Variants in ZNF407 observed in about 807,000 individuals in gnomAD.
ZNF407 encodes the protein zinc finger protein 407.
Under a neutral mutation model 131.2 loss-of-function variants are expected in ZNF407, and 17 were observed. The ratio of observed to expected loss-of-function variants is 0.13; its 90% confidence interval spans 0.09 to 0.19. ZNF407 has a LOEUF of 0.19. Among genes scored for constraint, ZNF407 ranks in the 10% least tolerant of loss-of-function variants. The pLI, the probability that ZNF407 is intolerant of heterozygous loss-of-function variation, is 1.00. For missense variants in ZNF407, 2,681 were observed against 2,830.6 expected (o/e 0.95, Z 1.20); for synonymous variants, 1,156 against 1,062.0 (o/e 1.09, Z -1.72).
At chr18:74,615,760 G>A (rs1276832050) in intron 1 of ZNF407, among the ~76,000 whole-genome samples, 1 of 152,152 alleles carries the variant, frequency 6.6e-6, no homozygotes, top group East Asian at 1.9e-4. Flanking sequence ...TATTTGCTTA[G>A]TCCCATAGTC....
chr18:75,006,863 T>C (rs922008666), intron 8 of ZNF407, among the ~76,000 whole-genome samples: 8 of 152,188 alleles, frequency 5.3e-5, no homozygotes, highest in African/African-American at 1.9e-4. Flanking sequence ...AGTTTAAATC[T>C]ATTGTTAGAT....
chr18:74,743,524 C>T (rs934588762), intron 3 of ZNF407, among the ~76,000 whole-genome samples: 2 of 152,012 alleles, frequency 1.3e-5, no homozygotes, highest in African/African-American at 2.4e-5. Flanking sequence ...AGATAAGGAC[C>T]ACTGTAAAGT....
intron 3 of ZNF407, among the ~76,000 whole-genome samples, chr18:74,720,485 T>C (rs957816244): frequency 1.3e-5 from 2 of 152,138 alleles, no homozygotes; most frequent in African/African-American, 4.8e-5. Context: ...TTTCTTTTGC[T>C]GTGCAGAACC....
chr18:74,951,801 A>G (rs1972217353), intron 8 of ZNF407, among the ~76,000 whole-genome samples: 1 of 152,144 alleles, frequency 6.6e-6, no homozygotes, highest in African/African-American at 2.4e-5. Context: ...AAGTAAAATA[A>G]GATAATTTCT....
At chr18:74,849,048 G>A in intron 4 of ZNF407, among the ~76,000 whole-genome samples, 1 of 58,128 alleles carries the variant, frequency 1.7e-5, no homozygotes, top group South Asian at 8.5e-4. Flanking sequence ...GGCTACTTTT[G>A]TTTCTTTTTT....
intron 1 of ZNF407, among the ~76,000 whole-genome samples, chr18:74,609,814 A>G (rs1409578825): frequency 6.6e-6 from 1 of 152,232 alleles, no homozygotes; most frequent in African/African-American, 2.4e-5. Flanking sequence ...TGACCAAAAC[A>G]TCATTAGGTA....
At chr18:74,922,781 G>A (rs114430530) in intron 8 of ZNF407, among the ~76,000 whole-genome samples, 1,614 of 152,316 alleles carry the variant, frequency 0.011, 23 homozygotes, top group African/African-American at 0.036. Flanking sequence ...TTATCGAAGA[G>A]TCTAGGAGTT....
At chr18:74,712,251 A>G (rs568481149) in intron 3 of ZNF407, among the ~76,000 whole-genome samples, 35 of 152,306 alleles carry the variant, frequency 2.3e-4, no homozygotes, top group Admixed American at 6.5e-4. Context: ...CCTAGCGCCT[A>G]TGTCTTAGTT....
chr18:74,831,143 T>TATAC (rs1970477144), intron 4 of ZNF407, among the ~76,000 whole-genome samples: 1 of 152,214 alleles, frequency 6.6e-6, no homozygotes, highest in African/African-American at 2.4e-5. Flanking sequence ...TGTGTATGTA[T>TATAC]ATATACCATG....
chr18:74,779,423 A>G (rs1019348675), intron 3 of ZNF407, among the ~76,000 whole-genome samples: 14 of 151,688 alleles, frequency 9.2e-5, no homozygotes, highest in Non-Finnish European at 1.9e-4. Flanking sequence ...CAGCTTATAT[A>G]TTTTTTTAAC....
chr18:74,820,226 C>A (rs562057289), intron 4 of ZNF407, among the ~76,000 whole-genome samples: 16 of 152,158 alleles, frequency 1.1e-4, no homozygotes, highest in Non-Finnish European at 1.0e-4. Flanking sequence ...GTGCACAAAA[C>A]CTGGGGAGGG....
chr18:74,931,400 A>G (rs1027138700), intron 8 of ZNF407, among the ~76,000 whole-genome samples: 14 of 152,216 alleles, frequency 9.2e-5, no homozygotes, highest in African/African-American at 2.7e-4. Flanking sequence ...CAAATGATCA[A>G]AATAACCATT....
intron 5 of ZNF407, among the ~76,000 whole-genome samples, chr18:74,879,997 T>A (rs181965390): frequency 5.9e-5 from 9 of 152,372 alleles, no homozygotes; most frequent in African/African-American, 2.2e-4. Context: ...ACAGCCTGAC[T>A]CTGGCCAAAC....
chr18:74,795,818 A>G (rs1438524615), intron 4 of ZNF407, among the ~76,000 whole-genome samples: 1 of 152,356 alleles, frequency 6.6e-6, no homozygotes, highest in East Asian at 1.9e-4. Context: ...TGACGGGTAC[A>G]TGCTTTGACC....
intron 3 of ZNF407, among the ~76,000 whole-genome samples, chr18:74,768,324 G>A (rs1241643974): frequency 2.0e-5 from 3 of 152,188 alleles, no homozygotes; most frequent in African/African-American, 2.4e-5. Context: ...TTGGAAACAG[G>A]TGTTGGTTTT....
In ZNF407 at chr18:74,994,539, ACAGT is replaced by A. The variant is rs559876001; in HGVS notation, c.5429-68607_5429-68604del. Among the ~76,000 whole-genome samples the A allele has an allele frequency of 1.6e-3, 247 of 152,330 alleles. 1 individual carries two copies. The highest frequency in any genetic ancestry group is 2.7e-3 in the Admixed American group (41 of 15,302). On this transcript the variant is annotated intron_variant, in intron 8 of 8. Coordinates refer to ENST00000299687, the MANE Select transcript of ZNF407 (RefSeq NM_017757.3). ...AAGTCTGCATCCTTGTTTAAAGCAA[ACAGT>A]CAGGAAGGAGGCCAGTGGCAGAAGG...
At chr18:74,960,135 T>C (rs1972322093) in intron 8 of ZNF407, among the ~76,000 whole-genome samples, 1 of 152,256 alleles carries the variant, frequency 6.6e-6, no homozygotes, top group South Asian at 2.1e-4. Context: ...AAAGTGCCTC[T>C]TTTTGGCACT....
At chr18:74,629,214 A>G (rs1418388613) in intron 1 of ZNF407, among the ~76,000 whole-genome samples, 1 of 152,240 alleles carries the variant, frequency 6.6e-6, no homozygotes. Context: ...ATTCTTGCCA[A>G]CGCTTGTTAT....
intron 3 of ZNF407, among the ~76,000 whole-genome samples, chr18:74,742,255 C>A (rs1968566397): frequency 6.6e-6 from 1 of 152,052 alleles, no homozygotes; most frequent in Admixed American, 6.6e-5. Flanking sequence ...CTTGTCTTTC[C>A]CTCTTCCTGT....
Sources: gnomAD v4.1 joint callset for allele counts (sites outside exome capture counted in the v4.1 genomes callset) on GRCh38, gnomAD v4.1.1 for gene constraint, MANE v1.5 for transcripts, NCBI Gene and HGNC (gene_info 2026-07-23, HGNC 2026-07-21) for gene names.